The following CNIH3 variants were observed in gnomAD, a reference collection of about 807,000 sequenced individuals.
CNIH3 encodes the protein cornichon family AMPA receptor auxiliary protein 3, also known as protein cornichon homolog 3.
A neutral mutation model predicts 24.1 loss-of-function variants in CNIH3; 14 were observed. The ratio of observed to expected loss-of-function variants is 0.58; its 90% CI spans 0.38 to 0.91. CNIH3 has a LOEUF of 0.91. Among genes scored for constraint, CNIH3 ranks in the 40% least tolerant of loss-of-function variants. CNIH3 has a pLI of 0.00. For missense variants in CNIH3, 178 were observed against 196.8 expected, an observed-to-expected ratio of 0.90 and a Z score of 0.57; for synonymous variants, 68 against 73.8, an observed-to-expected ratio of 0.92 and a Z score of 0.40.
chr1:224,715,502 A>G (rs1298111101), intron 3 of CNIH3, among the ~76,000 whole-genome samples: 1 of 152,128 alleles, frequency 6.6e-6, no homozygotes, highest in Non-Finnish European at 1.5e-5. Flanking sequence ...TTCTACAGGG[A>G]CTTTGTCTTA....
chr1:224,463,770 CTCATTTTT>C (rs1676031065), intron 1 of CNIH3, among the ~76,000 whole-genome samples: 1 of 87,070 alleles, frequency 1.1e-5, no homozygotes, highest in Non-Finnish European at 2.1e-5. Flanking sequence ...ATGAATTGTC[CTCATTTTT>C]TTTTTTTTTT....
intron 3 of CNIH3, among the ~76,000 whole-genome samples, chr1:224,594,450 A>G (rs1369111951): frequency 6.6e-6 from 1 of 152,188 alleles, no homozygotes; most frequent in Non-Finnish European, 1.5e-5. Flanking sequence ...ATTTTATGTG[A>G]TGGTTGGTCC....
chr1:224,689,987 C>A (rs1239134470), intron 3 of CNIH3, among the ~76,000 whole-genome samples: 1 of 152,056 alleles, frequency 6.6e-6, no homozygotes, highest in African/African-American at 2.4e-5. Context: ...GGTGTGACTG[C>A]CGCTTTTGGG....
chr1:224,565,584 A>T (rs1238339347), intron 3 of CNIH3: 1 of 152,534 alleles, frequency 6.6e-6, no homozygotes, highest in South Asian at 2.1e-4. Flanking sequence ...TGTTCTCCAG[A>T]TTGAGGCTTT....
intron 1 of CNIH3, among the ~76,000 whole-genome samples, chr1:224,461,942 T>G (rs1675928372): frequency 6.6e-6 from 1 of 152,252 alleles, no homozygotes; most frequent in African/African-American, 2.4e-5. Context: ...GCACAGTGTT[T>G]TCAATGTTCA....
At chr1:224,696,756 G>A (rs1687198149) in intron 3 of CNIH3, among the ~76,000 whole-genome samples, 1 of 147,158 alleles carries the variant, frequency 6.8e-6, no homozygotes, top group South Asian at 2.3e-4. Flanking sequence ...GTTGTTATGT[G>A]CTGAAGGGGA....
chr1:224,473,016 A>T (rs1309474274), intron 1 of CNIH3, among the ~76,000 whole-genome samples: 1 of 152,130 alleles, frequency 6.6e-6, no homozygotes, highest in Non-Finnish European at 1.5e-5. Flanking sequence ...CATTGGCAGG[A>T]GGGTTTGGCA....
downstream of CNIH3, among the ~76,000 whole-genome samples, chr1:224,590,823 C>G (rs1434673484): frequency 6.6e-6 from 1 of 151,348 alleles, no homozygotes; most frequent in African/African-American, 2.4e-5. Context: ...CCCCGCAACC[C>G]ACCCAAGAGA....
In CNIH3 at chr1:224,684,947, C is replaced by A; in HGVS notation, c.198+104C>A. Reference sequence around the variant, plus strand: ...CTCTGCCTGCTCCAGTCCTGTCCACCAGGGAGGCAAATGGTGGCAGGGAAA... The same window carrying A: ...CTCTGCCTGCTCCAGTCCTGTCCACAAGGGAGGCAAATGGTGGCAGGGAAA... On this transcript the variant is annotated intron_variant, in intron 3 of 5. Transcript: ENST00000272133. This position sits in a 1 kb window ranked among gnomAD's most constrained non-coding sequence, Gnocchi z 4.2. 9.0e-7 allele frequency: 1 copy of A among 1,110,098 alleles called. No individual in the cohort carries two copies. Among genetic ancestry groups the A allele is most frequent in the Non-Finnish European group, 1.4e-6 (1 of 722,294 alleles). 68.8% of individuals were successfully genotyped at this position (1,110,098 alleles called of 1,614,324 possible).
In CNIH3 at chr1:224,466,570, A is replaced by G. The variant is rs546315552; in HGVS notation, n.203+31708A>G. ...ATAGAGTTGTTATCAACATTCATGTATAGATTGCAGAGCGCATATAGGTTT... is the reference window on the plus strand; with the variant it reads ...ATAGAGTTGTTATCAACATTCATGTGTAGATTGCAGAGCGCATATAGGTTT... On this transcript the variant is annotated intron_variant and non_coding_transcript_variant, in intron 1 of 5. Transcript: ENST00000471578. Among the ~76,000 whole-genome samples the G allele has an allele frequency of 5.9e-5, 9 of 152,232 alleles. No individual in the cohort carries two copies. In the South Asian group the frequency reaches 1.7e-3, roughly 28 times the overall value.
rs537993987 is a variant in CNIH3 at position 224,643,263 on chromosome 1, G to A, written c.81+26008G>A. Among the ~76,000 whole-genome samples, 12 of 152,328 alleles carry A rather than the reference G, an allele frequency of 7.9e-5. 1 individual carries two copies. The South Asian group carries it at 1.7e-3, about 21-fold the overall frequency. On this transcript the variant is annotated intron_variant, in intron 1 of 5. Transcript: ENST00000272133. Reference sequence around the variant, plus strand: ...CTGAAGGAGGTGGTAGTCGACTAGAGAAAACAAATGTAGAATGAGAAATTA... The same window carrying A: ...CTGAAGGAGGTGGTAGTCGACTAGAAAAAACAAATGTAGAATGAGAAATTA...
intron 4 of CNIH3, among the ~76,000 whole-genome samples, chr1:224,579,961 A>G (rs1681202668): frequency 6.6e-6 from 1 of 152,210 alleles, no homozygotes; most frequent in Non-Finnish European, 1.5e-5. Context: ...ACGGACAAAG[A>G]CAGAGTGAAC....
chr1:224,456,143 A>C (rs1185190568), intron 1 of CNIH3, among the ~76,000 whole-genome samples: 1 of 152,200 alleles, frequency 6.6e-6, no homozygotes, highest in Admixed American at 6.5e-5. Flanking sequence ...TCACATCTCA[A>C]GTAGGATTGA....
chr1:224,705,364 G>A (rs1290834296), intron 3 of CNIH3, among the ~76,000 whole-genome samples: 1 of 152,220 alleles, frequency 6.6e-6, no homozygotes, highest in Non-Finnish European at 1.5e-5. Flanking sequence ...ACAGGAAGCC[G>A]GGCGCTGGCC....
intron 3 of CNIH3, among the ~76,000 whole-genome samples, chr1:224,564,251 C>G (rs1051001845): frequency 2.0e-5 from 3 of 152,186 alleles, no homozygotes; most frequent in Non-Finnish European, 2.9e-5. Flanking sequence ...TGCTTGTGTG[C>G]TAGGCACTGG....
At chr1:224,732,457 A>G (rs922187948) in intron 4 of CNIH3, among the ~76,000 whole-genome samples, 3 of 152,348 alleles carry the variant, frequency 2.0e-5, no homozygotes, top group Admixed American at 1.3e-4. Context: ...CAGGATTCAC[A>G]ACAACCAAGT....
At chr1:224,445,428 T>A (rs1675115401) in intron 1 of CNIH3, among the ~76,000 whole-genome samples, 1 of 151,842 alleles carries the variant, frequency 6.6e-6, no homozygotes, top group African/African-American at 2.4e-5. Flanking sequence ...ATACGAAAAT[T>A]AGCCGGGCGT....
chr1:224,721,188 C>A (rs539982149), intron 3 of CNIH3, among the ~76,000 whole-genome samples: 1 of 152,202 alleles, frequency 6.6e-6, no homozygotes, highest in Admixed American at 6.5e-5. Context: ...GCTTTGCATT[C>A]ACCACCTAGT....
At chr1:224,659,766 G>A (rs1235563029) in intron 1 of CNIH3, among the ~76,000 whole-genome samples, 1 of 152,116 alleles carries the variant, frequency 6.6e-6, no homozygotes, top group Non-Finnish European at 1.5e-5. Flanking sequence ...TCAGCATCAG[G>A]CCACTGCAGT....
Sources: gnomAD v4.1 joint callset for allele counts (sites outside exome capture counted in the v4.1 genomes callset) on GRCh38, gnomAD v4.1.1 for gene constraint, Gnocchi (gnomAD v3.1) non-coding constraint, MANE v1.5 for transcripts, NCBI Gene and HGNC (gene_info 2026-07-23, HGNC 2026-07-21) for gene names.